The following CDH13 variants were observed in gnomAD, a reference collection of about 807,000 sequenced individuals.
CDH13 encodes the protein cadherin-13.
A neutral mutation model predicts 63.8 loss-of-function variants in CDH13; 24 were observed. The ratio of observed to expected loss-of-function variants is 0.38; its 90% CI spans 0.27 to 0.53. The LOEUF (loss-of-function observed/expected upper bound fraction) is 0.53, where lower values mean the gene tolerates loss of function less well. Among genes scored for constraint, CDH13 ranks in the 20% least tolerant of loss-of-function variants. The pLI, the probability that CDH13 is intolerant of heterozygous loss-of-function variation, is 0.85. For synonymous variants in CDH13, 503 were observed against 355.3 expected (o/e 1.42, Z -4.67); for missense variants, 1,049 against 903.1 (o/e 1.16, Z -2.07).
At position 83,620,881 on chromosome 16, in the gene CDH13, A is replaced by T. The variant is rs1909750126; in HGVS notation, c.1101+18287A>T. On this transcript the variant is annotated intron_variant, in intron 8 of 13. Transcript: ENST00000567109. ...GTCGTGAGTTTCTGTGAAAAGCAAGACTGGTCATTCCATCACTTCTGTCTG... is the reference window on the plus strand; with the variant it reads ...GTCGTGAGTTTCTGTGAAAAGCAAGTCTGGTCATTCCATCACTTCTGTCTG... Among the ~76,000 whole-genome samples, 3 of 152,126 alleles carry T rather than the reference A, an allele frequency of 2.0e-5. No individual in the cohort carries two copies. The South Asian group carries it at 6.2e-4, about 32-fold the overall frequency.
chr16:82,798,399 C>T (rs1048599931), intron 1 of CDH13, among the ~76,000 whole-genome samples: 5 of 152,106 alleles, frequency 3.3e-5, no homozygotes, highest in African/African-American at 1.2e-4. Context: ...TTCCCCTAGA[C>T]TGTTTCTTAA....
chr16:82,831,521 C>T (rs1370063879), intron 1 of CDH13, among the ~76,000 whole-genome samples: 2 of 152,204 alleles, frequency 1.3e-5, no homozygotes, highest in East Asian at 3.9e-4. Context: ...AAGGAAACAA[C>T]TCCAACAATG....
At chr16:83,369,564 G>A (rs963300538) in intron 6 of CDH13, among the ~76,000 whole-genome samples, 2 of 152,070 alleles carry the variant, frequency 1.3e-5, no homozygotes, top group African/African-American at 4.8e-5. Flanking sequence ...GACTACAGGT[G>A]TGCACCACCA....
At chr16:82,981,926 G>A (rs1419406892) in intron 2 of CDH13, among the ~76,000 whole-genome samples, 1 of 152,104 alleles carries the variant, frequency 6.6e-6, no homozygotes, top group Non-Finnish European at 1.5e-5. Flanking sequence ...CTTGAAATAG[G>A]TATCCATGGC....
At position 83,344,862 on chromosome 16, in the gene CDH13, C is replaced by G. The variant is rs200608482; in HGVS notation, c.637C>G (p.Leu213Val). Residue 213 changes from leucine to valine, a missense_variant and splice_region_variant, in exon 6 of 14, where the codon CTA (leucine) becomes GTA (valine). Physicochemically the swap from Leu to Val is conservative, Grantham distance 32. Transcript: ENST00000567109. ...LDREVIAVYQ[L>V]FVETTDVNGK... is the part of the protein sequence containing the mutation. ...TCCCCCAATCTCTTTGCTCAAATAG[C>G]TATTTGTGGAGACCACTGATGTCAA... 1.6e-4 allele frequency: 255 copies of G among 1,613,430 alleles called. No homozygotes were observed. Among genetic ancestry groups the G allele is most frequent in the Non-Finnish European group, 1.9e-4 (226 of 1,179,564 alleles).
intron 1 of CDH13, among the ~76,000 whole-genome samples, chr16:82,695,315 T>G (rs1431672558): frequency 6.6e-6 from 1 of 152,238 alleles, no homozygotes; most frequent in Non-Finnish European, 1.5e-5. Flanking sequence ...ATAAATTATT[T>G]GAAAGCAAAT....
intron 6 of CDH13, among the ~76,000 whole-genome samples, chr16:83,376,817 A>G (rs2091468072): frequency 6.6e-6 from 1 of 152,174 alleles, no homozygotes; most frequent in African/African-American, 2.4e-5. Context: ...TACAATATGT[A>G]GAAGTGACAC....
intron 4 of CDH13, among the ~76,000 whole-genome samples, chr16:83,138,390 G>A (rs2036390203): frequency 6.6e-6 from 1 of 152,082 alleles, no homozygotes; most frequent in African/African-American, 2.4e-5. Context: ...GAAAAATCGA[G>A]AAGGCAGAAG....
intron 2 of CDH13, among the ~76,000 whole-genome samples, chr16:82,930,924 G>T (rs180930933): frequency 6.6e-6 from 1 of 152,336 alleles, no homozygotes; most frequent in East Asian, 1.9e-4. Flanking sequence ...TTTACCTGCA[G>T]ACTCTAATGT....
At chr16:83,386,238 A>G (rs1056905997) in intron 6 of CDH13, among the ~76,000 whole-genome samples, 1 of 152,198 alleles carries the variant, frequency 6.6e-6, no homozygotes, top group South Asian at 2.1e-4. Flanking sequence ...ACATGGAGAA[A>G]AGATGTGTGG....
At chr16:82,941,522 C>T (rs963886440) in intron 2 of CDH13, among the ~76,000 whole-genome samples, 1 of 152,090 alleles carries the variant, frequency 6.6e-6, no homozygotes, top group African/African-American at 2.4e-5. Flanking sequence ...CCTTCCCTTT[C>T]CTTTGTGCGC....
At chr16:83,160,980 A>G (rs896069394) in intron 4 of CDH13, among the ~76,000 whole-genome samples, 2 of 152,236 alleles carry the variant, frequency 1.3e-5, no homozygotes, top group Admixed American at 1.3e-4. Flanking sequence ...GCAACCCAAG[A>G]CAGTCACAGA....
intron 6 of CDH13, among the ~76,000 whole-genome samples, chr16:83,429,183 C>T (rs2072011487): frequency 6.6e-6 from 1 of 152,176 alleles, no homozygotes; most frequent in Admixed American, 6.5e-5. Context: ...CTGAACAAGC[C>T]ATAGCATTTA....
intron 4 of CDH13, among the ~76,000 whole-genome samples, chr16:83,135,974 G>A (rs1473741169): frequency 6.6e-6 from 1 of 152,080 alleles, no homozygotes; most frequent in African/African-American, 2.4e-5. Context: ...TAAGCTATGA[G>A]GACGCAAAAG....
In CDH13 at chr16:82,826,744, A is replaced by G. The variant is rs565376183; in HGVS notation, c.46-31618A>G. ...AGCTTTTTTGATTTGTAAGTAACTT[A>G]GTGGATTTGCTGGTGAAACAGTTTG... is the stretch of plus-strand genomic sequence containing the variant. On this transcript the variant is annotated intron_variant, in intron 1 of 13. Transcript: ENST00000567109. 3.9e-5 allele frequency: 6 copies of G among 152,316 alleles called. No individual in the cohort carries two copies. In the East Asian group the frequency reaches 7.7e-4, roughly 20 times the overall value. The allele number at this position is 152,316 out of a possible 1,614,324, so 9.4% of individuals were successfully genotyped here.
intron 6 of CDH13, chr16:83,383,246 A>G (rs1388893190): frequency 6.6e-6 from 1 of 152,170 alleles, no homozygotes; most frequent in African/African-American, 2.4e-5. Context: ...TCAGTGTTCC[A>G]CCTGCTGGGG....
intron 8 of CDH13, among the ~76,000 whole-genome samples, chr16:83,649,874 G>T (rs1287818835): frequency 6.6e-6 from 1 of 152,198 alleles, no homozygotes; most frequent in African/African-American, 2.4e-5. Flanking sequence ...GGCCCAGGTT[G>T]TACCTTTCTA....
intron 1 of CDH13, among the ~76,000 whole-genome samples, chr16:82,812,341 G>A (rs545066077): frequency 5.9e-5 from 9 of 152,124 alleles, no homozygotes; most frequent in Non-Finnish European, 1.2e-4. Context: ...CATCCTATTT[G>A]AAACTTCCCC....
intron 2 of CDH13, among the ~76,000 whole-genome samples, chr16:83,002,273 G>A (rs1913019121): frequency 6.6e-6 from 1 of 152,186 alleles, no homozygotes; most frequent in Non-Finnish European, 1.5e-5. Context: ...GACACACAGA[G>A]GAACAACACT....
Sources: allele counts gnomAD v4.1 joint callset (sites outside exome capture counted in the v4.1 genomes callset), GRCh38; gene constraint gnomAD v4.1.1; transcripts MANE v1.5; gene names NCBI Gene and HGNC (gene_info 2026-07-23, HGNC 2026-07-21).